The following RAP1A variants were observed in gnomAD, a reference collection of about 807,000 sequenced individuals.
RAP1A encodes RAP1A, member of RAS oncogene family.
RAP1A carries 6 observed loss-of-function variants against 26.4 expected under a neutral mutation model. The observed-to-expected ratio is 0.23, with a 90% CI of 0.12 to 0.45. The LOEUF (loss-of-function observed/expected upper bound fraction) is 0.45, where lower values mean the gene tolerates loss of function less well. Ranked by LOEUF, RAP1A falls within the 20% of genes least tolerant of loss-of-function variation. The probability of loss-of-function intolerance (pLI) is 0.99; values close to 1 mark genes in which losing one functional copy is unlikely to be tolerated. For synonymous variants in RAP1A, 73 were observed against 79.4 expected, an observed-to-expected ratio of 0.92 and a Z score of 0.43; for missense variants, 121 against 217.2, an observed-to-expected ratio of 0.56 and a Z score of 2.78.
chr1:111,604,297 T>C (rs1215461761), intron 1 of RAP1A: 1 of 152,252 alleles, frequency 6.6e-6, no homozygotes, highest in East Asian at 1.9e-4. Context: ...CTAAATGCTG[T>C]CAGTGACACA....
At chr1:111,623,338 T>G (rs1428084343) in intron 1 of RAP1A, among the ~76,000 whole-genome samples, 2 of 152,090 alleles carry the variant, frequency 1.3e-5, no homozygotes, top group Non-Finnish European at 2.9e-5. Flanking sequence ...AAAGGAATTT[T>G]TAATGGTATC....
intron 1 of RAP1A, among the ~76,000 whole-genome samples, chr1:111,686,382 A>G (rs920744852): frequency 3.3e-5 from 5 of 152,148 alleles, no homozygotes; most frequent in African/African-American, 1.2e-4. Context: ...CTTGAGCCTT[A>G]CTTAATGGCC....
At chr1:111,697,767 T>A (rs554945020) in intron 4 of RAP1A, among the ~76,000 whole-genome samples, 131 of 152,276 alleles carry the variant, frequency 8.6e-4, no homozygotes, top group African/African-American at 3.0e-3. Flanking sequence ...TTAAAATTTA[T>A]TTTAAATTTA....
intron 1 of RAP1A, among the ~76,000 whole-genome samples, chr1:111,667,768 A>G (rs1362600276): frequency 6.6e-6 from 1 of 152,128 alleles, no homozygotes; most frequent in Non-Finnish European, 1.5e-5. Flanking sequence ...TGAAGGTCCC[A>G]TTTTACAACT....
At chr1:111,612,746 T>C (rs1266658953) in intron 1 of RAP1A, among the ~76,000 whole-genome samples, 1 of 152,236 alleles carries the variant, frequency 6.6e-6, no homozygotes, top group Non-Finnish European at 1.5e-5. Context: ...AACCTGGATG[T>C]TTATAGAATT....
intron 1 of RAP1A, among the ~76,000 whole-genome samples, chr1:111,574,049 G>T (rs979536978): frequency 2.0e-5 from 3 of 152,262 alleles, no homozygotes; most frequent in South Asian, 4.1e-4. Flanking sequence ...TGTCCAAAAT[G>T]ATATTGCCTA....
At chr1:111,630,338 C>CCTA (rs1471996248) in intron 1 of RAP1A, among the ~76,000 whole-genome samples, 1 of 151,942 alleles carries the variant, frequency 6.6e-6, no homozygotes, top group Non-Finnish European at 1.5e-5. Flanking sequence ...GAAATCATTC[C>CCTA]CTACAGTAAT....
At chr1:111,557,805 TA>T (rs1236509336) in intron 1 of RAP1A, among the ~76,000 whole-genome samples, 1 of 152,058 alleles carries the variant, frequency 6.6e-6, no homozygotes, top group Non-Finnish European at 1.5e-5. Flanking sequence ...GGATAAGAAG[TA>T]AAACAAACAG....
At chr1:111,660,823 A>G (rs1012187511) in intron 1 of RAP1A, among the ~76,000 whole-genome samples, 2 of 152,120 alleles carry the variant, frequency 1.3e-5, no homozygotes, top group African/African-American at 2.4e-5. Context: ...ATTGTCCTCC[A>G]ATTATAGTGC....
Position 111,702,466 on chromosome 1 carries a change from A to G in RAP1A, c.184-870A>G, listed in dbSNP as rs180892500. On this transcript the variant is annotated intron_variant, in intron 4 of 7. Coordinates refer to ENST00000369709, the MANE Select transcript of RAP1A (RefSeq NM_002884.4). The stretch of plus-strand genomic sequence containing the variant: ...AAAGCTCAGTAACTAAATGTTAACC[A>G]TTAGTAAATTTAACTAAAGGGGATA... 5.6e-3 allele frequency among the ~76,000 whole-genome samples: 859 copies of G among 152,324 alleles called. 5 individuals are homozygous for G. The highest frequency in any genetic ancestry group is 8.3e-3 in the Non-Finnish European group (568 of 68,028).
chr1:111,640,670 C>G (rs1423976430), intron 1 of RAP1A, among the ~76,000 whole-genome samples: 1 of 152,084 alleles, frequency 6.6e-6, no homozygotes, highest in Admixed American at 6.6e-5. Context: ...TAATAATTCA[C>G]TATTTTTGAC....
chr1:111,574,355 T>C (rs997066450), intron 1 of RAP1A, among the ~76,000 whole-genome samples: 4 of 152,226 alleles, frequency 2.6e-5, no homozygotes, highest in African/African-American at 9.6e-5. Flanking sequence ...TTTTTGTTAC[T>C]CTAGCTCTGC....
chr1:111,695,004 T>C (rs1187087338), intron 2 of RAP1A, among the ~76,000 whole-genome samples: 2 of 152,158 alleles, frequency 1.3e-5, no homozygotes, highest in Non-Finnish European at 2.9e-5. Flanking sequence ...ACTATAGATA[T>C]ATAAAGGGGC....
intron 1 of RAP1A, chr1:111,649,445 C>G (rs1660189305): frequency 2.8e-6 from 1 of 353,584 alleles, no homozygotes. Flanking sequence ...ACCAGAGCCC[C>G]CAGCACCTGG....
chr1:111,625,221 G>T (rs1310159793), intron 1 of RAP1A, among the ~76,000 whole-genome samples: 2 of 152,084 alleles, frequency 1.3e-5, no homozygotes, highest in Non-Finnish European at 2.9e-5. Context: ...CTCCTTCACG[G>T]TTTTTTGCAG....
intron 1 of RAP1A, among the ~76,000 whole-genome samples, chr1:111,622,318 T>C (rs1315906984): frequency 6.6e-6 from 1 of 152,232 alleles, no homozygotes; most frequent in Non-Finnish European, 1.5e-5. Flanking sequence ...GCCTTACAGC[T>C]GCCCAGCTAT....
chr1:111,617,616 A>G (rs1379455559), upstream of RAP1A, among the ~76,000 whole-genome samples: 4 of 151,280 alleles, frequency 2.6e-5, no homozygotes, highest in African/African-American at 7.3e-5. Context: ...TTGTATTTTT[A>G]GTAGAGATGG....
chr1:111,666,643 T>TAA (rs35204143), intron 1 of RAP1A, among the ~76,000 whole-genome samples: 20 of 148,158 alleles, frequency 1.3e-4, no homozygotes, highest in South Asian at 1.1e-3. Context: ...CACAGAGATT[T>TAA]AAAAAAAAAA....
At chr1:111,711,039 C>G (rs969578919) in intron 7 of RAP1A, among the ~76,000 whole-genome samples, 2 of 152,134 alleles carry the variant, frequency 1.3e-5, no homozygotes, top group Non-Finnish European at 2.9e-5. Context: ...ATCACATTGG[C>G]CTGGCTGGTC....
Sources: allele counts gnomAD v4.1 joint callset (sites outside exome capture counted in the v4.1 genomes callset), GRCh38; gene constraint gnomAD v4.1.1; transcripts MANE v1.5; gene names NCBI Gene and HGNC (gene_info 2026-07-23, HGNC 2026-07-21).